PPP4R2: variants seen among roughly 807,000 people sequenced by gnomAD.
The protein encoded by PPP4R2 is serine/threonine-protein phosphatase 4 regulatory subunit 2.
PPP4R2 carries 13 observed loss-of-function variants against 47.2 expected under a neutral mutation model. The observed-to-expected ratio is 0.28, with a 90% CI of 0.18 to 0.44. The LOEUF (loss-of-function observed/expected upper bound fraction) is 0.44. Ranked by LOEUF, PPP4R2 falls within the 20% of genes least tolerant of loss-of-function variation. PPP4R2 has a pLI of 1.00. For synonymous variants in PPP4R2, 151 were observed against 163.3 expected (o/e 0.92, Z 0.57); for missense variants, 421 against 491.2 (o/e 0.86, Z 1.35).
At chr3:72,999,704 T>A (rs571224263) in intron 2 of PPP4R2, among the ~76,000 whole-genome samples, 2 of 152,332 alleles carry the variant, frequency 1.3e-5, no homozygotes, top group African/African-American at 4.8e-5. Flanking sequence ...TTATCTGATT[T>A]TTTTTGGACA....
intron 2 of PPP4R2, among the ~76,000 whole-genome samples, chr3:73,022,051 C>A (rs1014624679): frequency 5.3e-5 from 8 of 151,774 alleles, no homozygotes; most frequent in African/African-American, 1.7e-4. Flanking sequence ...TGCCTGCCAC[C>A]ACTTCTGGGT....
chr3:73,007,809 G>A (rs939844054), intron 2 of PPP4R2, among the ~76,000 whole-genome samples: 1 of 151,986 alleles, frequency 6.6e-6, no homozygotes, highest in Non-Finnish European at 1.5e-5. Flanking sequence ...TTCTTAAGAG[G>A]GAATTTTGTT....
intron 2 of PPP4R2, among the ~76,000 whole-genome samples, chr3:73,018,992 C>G (rs1164350478): frequency 2.0e-5 from 3 of 146,984 alleles, no homozygotes; most frequent in Non-Finnish European, 3.0e-5. Flanking sequence ...ATGTGTCACA[C>G]AGTAGGAGCT....
chr3:73,007,234 T>G (rs1247374101), intron 2 of PPP4R2, among the ~76,000 whole-genome samples: 3 of 152,220 alleles, frequency 2.0e-5, no homozygotes, highest in East Asian at 3.8e-4. Context: ...ATAATAATAC[T>G]CGTTGTTATG....
chr3:73,030,104 A>C (rs987689490), intron 2 of PPP4R2, among the ~76,000 whole-genome samples: 4 of 152,174 alleles, frequency 2.6e-5, no homozygotes, highest in Non-Finnish European at 4.4e-5. Context: ...ATAAAGAATA[A>C]ATTTTAAAAG....
chr3:73,065,655 C>T lies in PPP4R2; in HGVS notation c.1187C>T (p.Ser396Leu), dbSNP rs1440424261. Residue 396 changes from serine to leucine, a missense_variant, in exon 9 of 9, where the codon TCA becomes TTA. Ser to Leu is a moderately radical substitution (Grantham distance 145, BLOSUM62 -2). Around this residue, in one of 2 missense-constraint regions of PPP4R2, gnomAD observed 317 missense variants for 287.5 expected, o/e 1.10. Coordinates refer to ENST00000356692, the MANE Select transcript of PPP4R2 (RefSeq NM_174907.4). ...SNSSKTGEILSESSMENDDEA... is the reference protein window; with the variant it reads ...SNSSKTGEILLESSMENDDEA... ...TCCAGTAAAACTGGAGAGATTCTTT[C>T]AGAATCATCCATGGAAAATGATGAC... The T allele has an allele frequency of 4.3e-6, 7 of 1,611,292 alleles. No homozygotes were observed. Among genetic ancestry groups the T allele is most frequent in the Non-Finnish European group, 5.9e-6 (7 of 1,177,682 alleles).
Position 73,066,824 on chromosome 3 carries a change from TTGTA to T in PPP4R2, c.*1105_*1108del, listed in dbSNP as rs1450289722. ...AGGGGTGCATAGAAACCACCATAAT[TTGTA>T]TGACATTTTGAAGTGAATTAAATAT... is the stretch of plus-strand genomic sequence containing the variant. On this transcript the variant is annotated 3_prime_UTR_variant, in exon 9 of 9. Coordinates refer to ENST00000356692, the MANE Select transcript of PPP4R2 (RefSeq NM_174907.4). 1 of 152,104 alleles carries T rather than the reference TTGTA, an allele frequency of 6.6e-6. No individual in the cohort carries two copies. The highest frequency in any genetic ancestry group is 2.4e-5 in the African/African-American group (1 of 41,446). The allele number at this position is 152,104 out of a possible 1,614,324, so 9.4% of individuals were successfully genotyped here. A position where few individuals can be genotyped will look rare whatever the true frequency, so the allele number is the denominator to read the frequency against.
intron 2 of PPP4R2, among the ~76,000 whole-genome samples, chr3:73,038,990 C>T (rs1397466663): frequency 2.6e-5 from 4 of 152,090 alleles, no homozygotes; most frequent in Admixed American, 2.6e-4. Context: ...TTTGTCAAAA[C>T]TTTATTGTTT....
intron 2 of PPP4R2, among the ~76,000 whole-genome samples, chr3:73,032,262 A>G (rs1171737439): frequency 1.3e-5 from 2 of 151,900 alleles, no homozygotes; most frequent in Admixed American, 1.3e-4. Flanking sequence ...TTTTTGAGCT[A>G]CAAGTAAAAC....
At chr3:73,049,104 A>AG (rs746122751) in intron 3 of PPP4R2, among the ~76,000 whole-genome samples, 1 of 152,212 alleles carries the variant, frequency 6.6e-6, no homozygotes, top group Non-Finnish European at 1.5e-5. Flanking sequence ...AGGAAAAAAA[A>AG]CATTTTAAAG....
At chr3:73,049,105 C>G (rs1702555828) in intron 3 of PPP4R2, among the ~76,000 whole-genome samples, 1 of 152,062 alleles carries the variant, frequency 6.6e-6, no homozygotes, top group African/African-American at 2.4e-5. Context: ...GGAAAAAAAA[C>G]ATTTTAAAGG....
chr3:73,020,807 T>C (rs927479278), intron 2 of PPP4R2, among the ~76,000 whole-genome samples: 1 of 151,726 alleles, frequency 6.6e-6, no homozygotes, highest in Non-Finnish European at 1.5e-5. Context: ...GGATTATAGG[T>C]GTGATCTACC....
intron 5 of PPP4R2, 75 bp downstream of exon 5, chr3:73,061,135 TTAAAA>T (rs1702849791): frequency 9.3e-6 from 6 of 646,692 alleles, no homozygotes; most frequent in South Asian, 6.0e-5. Context: ...TATATTATTC[TTAAAA>T]TAGACTGAAT....
chr3:73,031,532 A>G (rs1702163643), intron 2 of PPP4R2, among the ~76,000 whole-genome samples: 1 of 150,088 alleles, frequency 6.7e-6, no homozygotes, highest in African/African-American at 2.5e-5. Context: ...ACAGAGTGAA[A>G]CTGTGTCTCA....
chr3:73,011,121 G>A (rs980360185), intron 2 of PPP4R2, among the ~76,000 whole-genome samples: 3 of 152,180 alleles, frequency 2.0e-5, no homozygotes, highest in Non-Finnish European at 4.4e-5. Context: ...CCCTTGTTCA[G>A]TTGTCTTACA....
chr3:73,039,764 C>G (rs1422833481), intron 2 of PPP4R2, among the ~76,000 whole-genome samples: 2 of 152,112 alleles, frequency 1.3e-5, no homozygotes, highest in Non-Finnish European at 2.9e-5. Flanking sequence ...TTGAAAATGT[C>G]AGCAGTGGCC....
At chr3:73,034,649 C>T (rs959473156) in intron 2 of PPP4R2, among the ~76,000 whole-genome samples, 1 of 152,122 alleles carries the variant, frequency 6.6e-6, no homozygotes, top group Non-Finnish European at 1.5e-5. Context: ...CCTCCTACCT[C>T]AGCCTCCCAG....
At chr3:73,034,884 G>A (rs1702234917) in intron 2 of PPP4R2, among the ~76,000 whole-genome samples, 1 of 151,860 alleles carries the variant, frequency 6.6e-6, no homozygotes, top group Non-Finnish European at 1.5e-5. Context: ...CAGATCATTG[G>A]TCTGGGCAAA....
intron 2 of PPP4R2, among the ~76,000 whole-genome samples, chr3:73,036,440 A>G (rs1178536119): frequency 6.6e-6 from 1 of 152,240 alleles, no homozygotes; most frequent in Non-Finnish European, 1.5e-5. Context: ...GGATAGCCCA[A>G]ATATCGATTT....
Sources: gnomAD v4.1 joint callset for allele counts (sites outside exome capture counted in the v4.1 genomes callset) on GRCh38, gnomAD v4.1.1 for gene constraint, gnomAD v4.1.1 regional missense constraint, MANE v1.5 for transcripts, NCBI Gene and HGNC (gene_info 2026-07-23, HGNC 2026-07-21) for gene names.